Variants in DEPTOR observed in about 807,000 individuals in gnomAD.
DEPTOR encodes the protein DEP domain-containing mTOR-interacting protein.
DEPTOR carries 41 observed loss-of-function variants against 41.6 expected under a neutral mutation model. That is an observed-to-expected ratio of 0.98 (90% CI 0.77 to 1.28). The LOEUF (loss-of-function observed/expected upper bound fraction) is 1.28, where lower values mean the gene tolerates loss of function less well. Among genes scored for constraint, DEPTOR ranks in the 50% most tolerant of loss-of-function variants. The pLI is 0.00. For missense variants in DEPTOR, 514 were observed against 527.9 expected (o/e 0.97, Z 0.26); for synonymous variants, 195 against 192.3 (o/e 1.01, Z -0.12).
chr8:119,934,867 A>G (rs77710704), intron 3 of DEPTOR, among the ~76,000 whole-genome samples: 1 of 152,236 alleles, frequency 6.6e-6, no homozygotes, highest in African/African-American at 2.4e-5. Context: ...AAATGGAGAT[A>G]CTGACCATCC....
At chr8:119,908,742 A>G (rs1306276276) in intron 1 of DEPTOR, among the ~76,000 whole-genome samples, 1 of 152,210 alleles carries the variant, frequency 6.6e-6, no homozygotes, top group African/African-American at 2.4e-5. Context: ...TAAAACAAAG[A>G]AATTGAGGAC....
chr8:119,974,012 T>C (rs1384091123), intron 4 of DEPTOR, among the ~76,000 whole-genome samples: 1 of 151,660 alleles, frequency 6.6e-6, no homozygotes, highest in African/African-American at 2.4e-5. Context: ...ATCTCTCCAA[T>C]AATTAAGATA....
intron 1 of DEPTOR, among the ~76,000 whole-genome samples, chr8:119,878,607 G>A (rs992014608): frequency 9.2e-5 from 14 of 151,926 alleles, no homozygotes; most frequent in East Asian, 5.9e-4. Flanking sequence ...GATTATAGGC[G>A]TGAGCCACCA....
intron 1 of DEPTOR, among the ~76,000 whole-genome samples, chr8:119,918,436 ACCTTTATTTATTTATT>A (rs1393671439): frequency 6.7e-5 from 10 of 148,314 alleles, no homozygotes; most frequent in East Asian, 5.8e-4. Flanking sequence ...GGCATGGACC[ACCTTTATTTATTTATT>A]TATTTATTTA....
At chr8:119,980,934 A>G (rs1828759705) in intron 4 of DEPTOR, among the ~76,000 whole-genome samples, 1 of 152,194 alleles carries the variant, frequency 6.6e-6, no homozygotes. Flanking sequence ...GGTACCAGCC[A>G]CATAGGTAAC....
chr8:119,938,746 G>T (rs1205884751), intron 3 of DEPTOR, among the ~76,000 whole-genome samples: 1 of 152,072 alleles, frequency 6.6e-6, no homozygotes, highest in Admixed American at 6.6e-5. Context: ...CTGGCCTCAA[G>T]TGATCTGCCT....
At chr8:120,009,667 G>A (rs1254716516) in intron 8 of DEPTOR, among the ~76,000 whole-genome samples, 3 of 152,116 alleles carry the variant, frequency 2.0e-5, no homozygotes, top group Non-Finnish European at 4.4e-5. Context: ...ATTTAGCAGT[G>A]TCTAAATACC....
At chr8:120,013,472 C>T (rs894020105) in intron 8 of DEPTOR, among the ~76,000 whole-genome samples, 1 of 152,218 alleles carries the variant, frequency 6.6e-6, no homozygotes, top group African/African-American at 2.4e-5. Context: ...GGCTTGTTCC[C>T]AGCAAGCTGT....
At chr8:119,962,086 C>CAAAAAAA (rs772605916) in intron 3 of DEPTOR, among the ~76,000 whole-genome samples, 3 of 48,198 alleles carry the variant, frequency 6.2e-5, no homozygotes, top group African/African-American at 1.9e-4. Context: ...ACTAAAAATA[C>CAAAAAAA]AAAAAAAAAA....
At chr8:119,960,739 G>A (rs1019408541) in intron 3 of DEPTOR, among the ~76,000 whole-genome samples, 4 of 152,114 alleles carry the variant, frequency 2.6e-5, no homozygotes, top group African/African-American at 9.7e-5. Flanking sequence ...CTCCCAGCAC[G>A]TTGGAAGGCT....
chr8:120,006,339 C>T (rs1319104425), intron 6 of DEPTOR, among the ~76,000 whole-genome samples: 1 of 152,056 alleles, frequency 6.6e-6, no homozygotes, highest in African/African-American at 2.4e-5. Flanking sequence ...GCCTGGCCAA[C>T]ATGGTGAAAC....
chr8:119,879,127 T>A (rs1354612379), intron 1 of DEPTOR, among the ~76,000 whole-genome samples: 1 of 151,496 alleles, frequency 6.6e-6, no homozygotes, highest in African/African-American at 2.4e-5. Context: ...AAAAATGCAT[T>A]TGGATACTAC....
chr8:120,039,994 C>T (rs1423823488), intron 8 of DEPTOR, among the ~76,000 whole-genome samples: 1 of 152,002 alleles, frequency 6.6e-6, no homozygotes, highest in Non-Finnish European at 1.5e-5. Context: ...CAGGCACATG[C>T]CACCACGCCT....
rs926721900 is a variant in DEPTOR at position 119,948,953 on chromosome 8, A to G, written c.426-16279A>G. 8.6e-5 allele frequency among the ~76,000 whole-genome samples: 13 copies of G among 152,040 alleles called. No homozygotes were observed. The South Asian group carries it at 1.2e-3, about 15-fold the overall frequency. Reference sequence around the variant, plus strand: ...CAGACATGCGCCACCACACACAGCTAATTTTGTAACTTTAGTAGAGACAGG... The same window carrying G: ...CAGACATGCGCCACCACACACAGCTGATTTTGTAACTTTAGTAGAGACAGG... On this transcript the variant is annotated intron_variant, in intron 3 of 8. Coordinates refer to ENST00000286234, the MANE Select transcript of DEPTOR (RefSeq NM_022783.4).
At chr8:119,993,322 G>C (rs949645021) in intron 4 of DEPTOR, among the ~76,000 whole-genome samples, 1 of 152,158 alleles carries the variant, frequency 6.6e-6, no homozygotes, top group African/African-American at 2.4e-5. Context: ...AGATCCTGTT[G>C]TATTTATGTG....
chr8:119,878,874 G>A (rs1827261395), intron 1 of DEPTOR, among the ~76,000 whole-genome samples: 1 of 151,946 alleles, frequency 6.6e-6, no homozygotes, highest in South Asian at 2.1e-4. Context: ...ACTTTGGGAG[G>A]CTGAGGCGGG....
intron 3 of DEPTOR, among the ~76,000 whole-genome samples, chr8:119,949,127 C>T (rs1293632617): frequency 6.6e-6 from 1 of 152,206 alleles, no homozygotes; most frequent in Non-Finnish European, 1.5e-5. Flanking sequence ...TGGAATAATA[C>T]AATGTATGGC....
chr8:119,954,109 G>T (rs1362714964), intron 3 of DEPTOR, among the ~76,000 whole-genome samples: 1 of 150,990 alleles, frequency 6.6e-6, no homozygotes, highest in Non-Finnish European at 1.5e-5. Flanking sequence ...CCTGGCCAAG[G>T]TAATGGTTTT....
chr8:119,891,726 A>G (rs777620958), intron 1 of DEPTOR, among the ~76,000 whole-genome samples: 9 of 152,170 alleles, frequency 5.9e-5, no homozygotes, highest in Non-Finnish European at 1.3e-4. Flanking sequence ...TTCAAATTTC[A>G]TGGAATGATT....
Sources: gnomAD v4.1 joint callset for allele counts (sites outside exome capture counted in the v4.1 genomes callset) on GRCh38, gnomAD v4.1.1 for gene constraint, MANE v1.5 for transcripts, NCBI Gene and HGNC (gene_info 2026-07-23, HGNC 2026-07-21) for gene names.